Variants in ZCCHC7 observed in about 807,000 individuals in gnomAD.
The protein encoded by ZCCHC7 is zinc finger CCHC domain-containing protein 7.
ZCCHC7 carries 35 observed loss-of-function variants against 52.0 expected under a neutral mutation model. That is an observed-to-expected ratio of 0.67 (90% CI 0.51 to 0.89). ZCCHC7 has a LOEUF of 0.89. Ranked by LOEUF, ZCCHC7 falls within the 40% of genes least tolerant of loss-of-function variation. The probability of loss-of-function intolerance (pLI) is 0.00; values close to 1 mark genes in which losing one functional copy is unlikely to be tolerated. For missense variants in ZCCHC7, 574 were observed against 649.1 expected (o/e 0.88, Z 1.26); for synonymous variants, 217 against 221.5 (o/e 0.98, Z 0.18).
chr9:37,275,676 CTT>C (rs1827651281), intron 2 of ZCCHC7, among the ~76,000 whole-genome samples: 1 of 152,084 alleles, frequency 6.6e-6, no homozygotes, highest in Non-Finnish European at 1.5e-5. Context: ...GAGTTTCACT[CTT>C]GTCACCCAGG....
chr9:37,275,561 A>T (rs1031615694), intron 2 of ZCCHC7, among the ~76,000 whole-genome samples: 2 of 152,152 alleles, frequency 1.3e-5, no homozygotes, highest in Non-Finnish European at 2.9e-5. Context: ...AATTTCAGGT[A>T]ATACATGTAG....
chr9:37,184,467 A>G (rs1178602276), intron 2 of ZCCHC7, among the ~76,000 whole-genome samples: 3 of 150,440 alleles, frequency 2.0e-5, no homozygotes, highest in Admixed American at 6.6e-5. Flanking sequence ...TGTTTTACTG[A>G]TGGGGCCTGG....
chr9:37,240,260 G>A (rs978051509), intron 2 of ZCCHC7, among the ~76,000 whole-genome samples: 1 of 151,822 alleles, frequency 6.6e-6, no homozygotes, highest in Non-Finnish European at 1.5e-5. Flanking sequence ...TTTTCTCATA[G>A]TAAAATAACT....
intron 2 of ZCCHC7, among the ~76,000 whole-genome samples, chr9:37,130,382 C>T (rs1588346181): frequency 8.6e-6 from 1 of 116,394 alleles, no homozygotes; most frequent in African/African-American, 3.3e-5. Flanking sequence ...TGGGGTCTTA[C>T]CCTATAAATA....
intron 6 of ZCCHC7, among the ~76,000 whole-genome samples, chr9:37,345,267 C>A (rs1820886527): frequency 6.6e-6 from 1 of 152,178 alleles, no homozygotes; most frequent in Non-Finnish European, 1.5e-5. Flanking sequence ...TTCTCTTAAG[C>A]CATGTATGCT....
intron 2 of ZCCHC7, among the ~76,000 whole-genome samples, chr9:37,140,770 C>T (rs1843186114): frequency 6.6e-6 from 1 of 151,880 alleles, no homozygotes; most frequent in Non-Finnish European, 1.5e-5. Flanking sequence ...GAGTTCAAGT[C>T]GATTGCAATT....
rs775752478 is a variant in ZCCHC7, at chr9:37,280,452, A to AT, written c.611-21735dup. The stretch of plus-strand genomic sequence containing the variant: ...TATAGAATATGCATTCTTTTCCAGT[A>AT]TACATTCAGCAAGATAGACCATATA... On this transcript the variant is annotated intron_variant, in intron 2 of 8. Coordinates refer to ENST00000336755, the MANE Select transcript of ZCCHC7 (RefSeq NM_032226.3). Among the ~76,000 whole-genome samples the AT allele has an allele frequency of 7.4e-4, 112 of 152,302 alleles. 1 individual carries two copies. The highest frequency in any genetic ancestry group is 1.1e-3 in the Non-Finnish European group (76 of 68,024).
chr9:37,266,783 A>G (rs903443248), intron 2 of ZCCHC7, among the ~76,000 whole-genome samples: 14 of 152,182 alleles, frequency 9.2e-5, no homozygotes, highest in Admixed American at 2.6e-4. Flanking sequence ...CTAAGGTTGG[A>G]GGATAGCTTG....
chr9:37,206,350 C>CCCGCCTTCA (rs1238354310), intron 2 of ZCCHC7, among the ~76,000 whole-genome samples: 5 of 149,696 alleles, frequency 3.3e-5, no homozygotes, highest in African/African-American at 1.2e-4. Context: ...CCTCTTCCCT[C>CCCGCCTTCA]CCGCCTTCAC....
At chr9:37,250,921 ATTACT>A (rs1455779918) in intron 2 of ZCCHC7, among the ~76,000 whole-genome samples, 1 of 152,160 alleles carries the variant, frequency 6.6e-6, no homozygotes, top group Non-Finnish European at 1.5e-5. Flanking sequence ...GTGGGTTCTG[ATTACT>A]TTACAGAAGT....
At chr9:37,124,811 T>C (rs1386527770) in intron 1 of ZCCHC7, among the ~76,000 whole-genome samples, 1 of 152,258 alleles carries the variant, frequency 6.6e-6, no homozygotes, top group African/African-American at 2.4e-5. Context: ...ATTAAGTTTG[T>C]ATTTATACAT....
At chr9:37,212,001 T>C (rs190255570) in intron 2 of ZCCHC7, among the ~76,000 whole-genome samples, 118 of 114,556 alleles carry the variant, frequency 1.0e-3, no homozygotes, top group African/African-American at 3.8e-3. Flanking sequence ...CACTCCAGCC[T>C]GGGTGACAGA....
At chr9:37,200,400 G>T (rs1823572377) in intron 2 of ZCCHC7, among the ~76,000 whole-genome samples, 1 of 152,094 alleles carries the variant, frequency 6.6e-6, no homozygotes, top group African/African-American at 2.4e-5. Context: ...CTTCATTTAT[G>T]ACTTTTCATT....
At chr9:37,171,054 G>T (rs1265121734) in intron 2 of ZCCHC7, among the ~76,000 whole-genome samples, 1 of 152,212 alleles carries the variant, frequency 6.6e-6, no homozygotes, top group Non-Finnish European at 1.5e-5. Flanking sequence ...TGAAGCAATT[G>T]TAATAGTATG....
chr9:37,334,768 GA>G, intron 6 of ZCCHC7, among the ~76,000 whole-genome samples: 1 of 151,744 alleles, frequency 6.6e-6, no homozygotes, highest in East Asian at 1.9e-4. Context: ...AAGAAATACC[GA>G]AAACAAGTGA....
intron 2 of ZCCHC7, among the ~76,000 whole-genome samples, chr9:37,167,981 T>C (rs1262402357): frequency 3.3e-5 from 5 of 152,244 alleles, no homozygotes. Flanking sequence ...TTCAGAAATA[T>C]TCTCCTTTGG....
In ZCCHC7 at chr9:37,270,465, T is replaced by C. The variant is rs1464601808; in HGVS notation, c.611-31723T>C. 2.6e-5 allele frequency among the ~76,000 whole-genome samples: 4 copies of C among 151,840 alleles called. No homozygotes were observed. The East Asian group carries it at 7.7e-4, about 29-fold the overall frequency. On this transcript the variant is annotated intron_variant, in intron 2 of 8. Transcript: ENST00000336755. ...CAGCACTTTGGGAGGCTGAGGCAGG[T>C]GGATCACCTGAAGTCCGGGGTTCAA...
chr9:37,155,368 C>T (rs578212814), intron 2 of ZCCHC7, among the ~76,000 whole-genome samples: 9 of 150,716 alleles, frequency 6.0e-5, no homozygotes, highest in African/African-American at 1.5e-4. Context: ...AAAAAAAAAA[C>T]GGCAATTAAG....
chr9:37,227,314 T>C (rs1000440037), intron 2 of ZCCHC7, among the ~76,000 whole-genome samples: 1 of 152,074 alleles, frequency 6.6e-6, no homozygotes, highest in African/African-American at 2.4e-5. Context: ...TTTATAGATA[T>C]ACTAAAGGAG....
Sources: allele counts gnomAD v4.1 joint callset (sites outside exome capture counted in the v4.1 genomes callset), GRCh38; gene constraint gnomAD v4.1.1; transcripts MANE v1.5; gene names NCBI Gene and HGNC (gene_info 2026-07-23, HGNC 2026-07-21).